The following FOXP1 variants were observed in gnomAD, a reference collection of about 807,000 sequenced individuals.
The protein encoded by FOXP1 is forkhead box protein P1.
FOXP1 carries 15 observed loss-of-function variants against 98.2 expected under a neutral mutation model. The observed-to-expected ratio is 0.15, with a 90% CI of 0.10 to 0.24. The LOEUF (loss-of-function observed/expected upper bound fraction) is 0.24, where lower values mean the gene tolerates loss of function less well. Among genes scored for constraint, FOXP1 ranks in the 10% least tolerant of loss-of-function variants. The probability of loss-of-function intolerance (pLI) is 1.00; values close to 1 mark genes in which losing one functional copy is unlikely to be tolerated. For synonymous variants in FOXP1, 371 were observed against 314.5 expected, an observed-to-expected ratio of 1.18 and a Z score of -1.90; for missense variants, 633 against 848.5, an observed-to-expected ratio of 0.75 and a Z score of 3.15.
At chr3:71,583,522 G>A in intron 1 of FOXP1, 49 bp downstream of exon 1, 1 of 983,626 alleles carries the variant, frequency 1.0e-6, no homozygotes, top group South Asian at 4.7e-5. Context: ...AACAAGACAG[G>A]AGGCGGCTTG....
chr3:71,049,973 A>G (rs1316307535), intron 9 of FOXP1, among the ~76,000 whole-genome samples: 2 of 152,180 alleles, frequency 1.3e-5, no homozygotes, highest in Non-Finnish European at 2.9e-5. Context: ...GGATATTCAA[A>G]GCAACCTATC....
At chr3:70,980,798 C>A (rs1379521074) in intron 14 of FOXP1, among the ~76,000 whole-genome samples, 2 of 152,122 alleles carry the variant, frequency 1.3e-5, no homozygotes, top group African/African-American at 4.8e-5. Flanking sequence ...GCCCTTGAAG[C>A]GCTTACCATC....
chr3:71,251,424 G>A (rs915738226), intron 5 of FOXP1, among the ~76,000 whole-genome samples: 2 of 152,200 alleles, frequency 1.3e-5, no homozygotes, highest in African/African-American at 2.4e-5. Context: ...TCAGCTTAGC[G>A]AGAAAGATTA....
chr3:71,438,266 T>A (rs1243381749), intron 3 of FOXP1, among the ~76,000 whole-genome samples: 2 of 152,236 alleles, frequency 1.3e-5, no homozygotes, highest in African/African-American at 2.4e-5. Context: ...AATGAATGAA[T>A]GTTGTCCCTT....
At chr3:71,348,296 C>A (rs145265247) in intron 4 of FOXP1, among the ~76,000 whole-genome samples, 25 of 152,274 alleles carry the variant, frequency 1.6e-4, no homozygotes, top group African/African-American at 5.8e-4. Context: ...AAAGGCCAGA[C>A]TTCAGTAAGC....
chr3:71,360,204 G>T (rs1220630645), intron 3 of FOXP1, among the ~76,000 whole-genome samples: 1 of 152,158 alleles, frequency 6.6e-6, no homozygotes, highest in Admixed American at 6.5e-5. Context: ...CATGAGTTTT[G>T]ATCTTTTAGC....
rs111233321 is a variant in FOXP1 at position 71,128,593 on chromosome 3, T to G, written c.181-15956A>C. Reference sequence around the variant, plus strand: ...ACACTATGGTATACTTTCCTTTAGTTGAGCTATTCATGTTTAGCTTTAAAC... The same window carrying G: ...ACACTATGGTATACTTTCCTTTAGTGGAGCTATTCATGTTTAGCTTTAAAC... On this transcript the variant is annotated intron_variant, in intron 6 of 20. Coordinates refer to ENST00000649528, the MANE Select transcript of FOXP1 (RefSeq NM_001349338.3). Among the ~76,000 whole-genome samples, 105 of 152,296 alleles carry G rather than the reference T, an allele frequency of 6.9e-4. 1 individual carries two copies. Among genetic ancestry groups the G allele is most frequent in the African/African-American group, 2.5e-3 (102 of 41,544 alleles).
intron 6 of FOXP1, among the ~76,000 whole-genome samples, chr3:71,135,663 A>T (rs931158114): frequency 6.6e-6 from 1 of 152,220 alleles, no homozygotes; most frequent in Non-Finnish European, 1.5e-5. Context: ...AACTGCAAAC[A>T]ACCCAGAAAA....
In FOXP1 at chr3:70,958,947, T is replaced by C. The variant is rs2032531150; in HGVS notation, c.*300A>G. The C allele has an allele frequency of 4.7e-6, 2 of 429,618 alleles. No individual in the cohort carries two copies. The highest frequency in any genetic ancestry group is 8.7e-6 in the Non-Finnish European group (2 of 230,572). The allele number at this position is 429,618 out of a possible 1,614,324, so 26.6% of individuals were successfully genotyped here. ...GTCTGCTGCTAAAAGTGAATCAGTT[T>C]AGCAAATTTACAACACTGATGTTGA... is the stretch of plus-strand genomic sequence containing the variant. On this transcript the variant is annotated 3_prime_UTR_variant, in exon 21 of 21. Coordinates refer to ENST00000649528, the MANE Select transcript of FOXP1 (RefSeq NM_001349338.3).
chr3:71,387,334 A>G (rs558007310), intron 3 of FOXP1, among the ~76,000 whole-genome samples: 1 of 152,352 alleles, frequency 6.6e-6, no homozygotes, highest in East Asian at 1.9e-4. Flanking sequence ...AAACTGGGTT[A>G]ATAACTTCAT....
chr3:71,160,573 T>C (rs2061086859), intron 6 of FOXP1, among the ~76,000 whole-genome samples: 1 of 152,208 alleles, frequency 6.6e-6, no homozygotes, highest in Non-Finnish European at 1.5e-5. Flanking sequence ...TGGTAGCAAC[T>C]AGCCACATGT....
intron 5 of FOXP1, among the ~76,000 whole-genome samples, chr3:71,219,622 G>C (rs1041350562): frequency 6.6e-5 from 10 of 152,132 alleles, no homozygotes; most frequent in Non-Finnish European, 1.5e-4. Context: ...TATGAAAGAA[G>C]AAAATGAAAA....
At chr3:71,345,397 TACACACACACACACACACAC>T (rs71120315) in intron 4 of FOXP1, among the ~76,000 whole-genome samples, 9 of 141,852 alleles carry the variant, frequency 6.3e-5, no homozygotes, top group East Asian at 2.0e-4. Context: ...CAAATATATA[TACACACACACACACACACAC>T]ACACACACAC....
rs990565578 is a variant in FOXP1, at chr3:71,243,067, A to C, written c.-11-44675T>G. 7.9e-5 allele frequency among the ~76,000 whole-genome samples: 12 copies of C among 152,266 alleles called. No homozygotes were observed. In the East Asian group the frequency reaches 2.1e-3, roughly 27 times the overall value. On this transcript the variant is annotated intron_variant, in intron 5 of 20. Transcript: ENST00000649528. ...TAACATAAATCCCTGTAAAATTTGA[A>C]TATCTCCCCGTCTAATTAAAGGCTA...
At chr3:71,197,838 T>C (rs2108376910) in intron 6 of FOXP1, 1 of 1,590,202 alleles carries the variant, frequency 6.3e-7, no homozygotes, top group Non-Finnish European at 8.6e-7. Context: ...CTTAAGCCTG[T>C]TTTTCGTTTA....
chr3:71,484,400 T>C (rs1001856658), intron 3 of FOXP1, among the ~76,000 whole-genome samples: 3 of 152,224 alleles, frequency 2.0e-5, no homozygotes, highest in African/African-American at 7.2e-5. Flanking sequence ...TTCAAGGATA[T>C]GTAAGGTTTA....
chr3:71,015,839 T>G (rs1023253056), intron 11 of FOXP1, among the ~76,000 whole-genome samples, 186 bp from the exon 12 acceptor site: 2 of 152,224 alleles, frequency 1.3e-5, no homozygotes, highest in African/African-American at 4.8e-5. Context: ...AGAGTTAAAT[T>G]GTACCTAAGT....
At chr3:71,484,284 CTT>C (rs2090499256) in intron 3 of FOXP1, among the ~76,000 whole-genome samples, 1 of 152,176 alleles carries the variant, frequency 6.6e-6, no homozygotes, top group South Asian at 2.1e-4. Context: ...CATATTTACA[CTT>C]GTCAACTCTC....
chr3:71,277,920 G>A (rs369573427), intron 5 of FOXP1, among the ~76,000 whole-genome samples: 1 of 152,002 alleles, frequency 6.6e-6, no homozygotes, highest in African/African-American at 2.4e-5. Context: ...TGTCTTCATT[G>A]GCTCACTAAT....
Sources: gnomAD v4.1 joint callset for allele counts (sites outside exome capture counted in the v4.1 genomes callset) on GRCh38, gnomAD v4.1.1 for gene constraint, MANE v1.5 for transcripts, NCBI Gene and HGNC (gene_info 2026-07-23, HGNC 2026-07-21) for gene names.